Variants in THSD7A observed in about 807,000 individuals in gnomAD.
The protein encoded by THSD7A is thrombospondin type-1 domain-containing protein 7A.
In THSD7A, 96 loss-of-function variants were observed where a neutral mutation model predicts 231.3. That is an observed-to-expected ratio of 0.41 (90% CI 0.35 to 0.49). THSD7A has a LOEUF of 0.49. Among genes scored for constraint, THSD7A ranks in the 20% least tolerant of loss-of-function variants. The probability of loss-of-function intolerance (pLI) is 0.05; values close to 1 mark genes in which losing one functional copy is unlikely to be tolerated. For missense variants in THSD7A, 2,290 were observed against 2,070.2 expected, an observed-to-expected ratio of 1.11 and a Z score of -2.06; for synonymous variants, 940 against 743.3, an observed-to-expected ratio of 1.26 and a Z score of -4.30.
chr7:11,407,083 T>G (rs752200208), intron 20 of THSD7A, 28 bp from the exon 21 acceptor site: 1 of 1,611,530 alleles, frequency 6.2e-7, no homozygotes, highest in Non-Finnish European at 8.5e-7. Flanking sequence ...TGATGCACCT[T>G]TAATATATGT....
chr7:11,604,720 C>T (rs956665212), intron 2 of THSD7A, among the ~76,000 whole-genome samples: 2 of 152,018 alleles, frequency 1.3e-5, no homozygotes, highest in Non-Finnish European at 2.9e-5. Flanking sequence ...AAATGCAGAA[C>T]ACAGAATGAG....
At chr7:11,789,299 T>C (rs1336086943) in intron 1 of THSD7A, among the ~76,000 whole-genome samples, 1 of 152,038 alleles carries the variant, frequency 6.6e-6, no homozygotes, top group African/African-American at 2.4e-5. Flanking sequence ...GTAACTGTTA[T>C]GCTTTTATTA....
intron 1 of THSD7A, among the ~76,000 whole-genome samples, chr7:11,802,569 GGTTGA>G (rs1159966768): frequency 2.6e-5 from 4 of 152,154 alleles, no homozygotes; most frequent in Non-Finnish European, 4.4e-5. Flanking sequence ...GAGAGACAGA[GGTTGA>G]GTTAAGAGTG....
intron 6 of THSD7A, among the ~76,000 whole-genome samples, chr7:11,497,507 T>C (rs1017414434): frequency 1.3e-5 from 2 of 152,182 alleles, no homozygotes; most frequent in Non-Finnish European, 2.9e-5. Flanking sequence ...CAAAGCCAAT[T>C]ACCAATCCAA....
At chr7:11,677,494 T>C (rs1009862750) in intron 1 of THSD7A, among the ~76,000 whole-genome samples, 2 of 147,708 alleles carry the variant, frequency 1.4e-5, no homozygotes, top group African/African-American at 5.0e-5. Context: ...CCCATCAGTG[T>C]GCTGTATTCA....
At chr7:11,656,055 C>T (rs773059600) in intron 1 of THSD7A, among the ~76,000 whole-genome samples, 2 of 151,814 alleles carry the variant, frequency 1.3e-5, no homozygotes, top group Non-Finnish European at 2.9e-5. Flanking sequence ...TGAGGTGTCA[C>T]GTATTCAGTT....
intron 7 of THSD7A, among the ~76,000 whole-genome samples, chr7:11,476,183 C>G (rs997960082): frequency 2.0e-5 from 3 of 151,792 alleles, no homozygotes; most frequent in Non-Finnish European, 4.4e-5. Context: ...TGTTGCCTCC[C>G]TTTAGAATTT....
intron 22 of THSD7A, among the ~76,000 whole-genome samples, chr7:11,403,972 T>C (rs1783497713): frequency 6.6e-6 from 1 of 152,190 alleles, no homozygotes; most frequent in Admixed American, 6.5e-5. Context: ...AAACCCATCA[T>C]TAGAGAAAAC....
At chr7:11,476,648 C>G (rs1786197009) in intron 7 of THSD7A, among the ~76,000 whole-genome samples, 1 of 151,840 alleles carries the variant, frequency 6.6e-6, no homozygotes, top group Admixed American at 6.6e-5. Flanking sequence ...GAAACCTTGT[C>G]TCTACTAAAA....
chr7:11,624,785 T>C (rs1781427176), intron 2 of THSD7A, among the ~76,000 whole-genome samples: 1 of 152,144 alleles, frequency 6.6e-6, no homozygotes, highest in Non-Finnish European at 1.5e-5. Flanking sequence ...TTTTATTTAT[T>C]TGTTTTTCTC....
chr7:11,498,764 CT>C (rs1318934209), intron 6 of THSD7A, among the ~76,000 whole-genome samples: 2 of 152,112 alleles, frequency 1.3e-5, no homozygotes, highest in African/African-American at 4.8e-5. Flanking sequence ...GACAAAGCTC[CT>C]AGAGGGAGAG....
At chr7:11,476,668 T>A (rs1786197692) in intron 7 of THSD7A, among the ~76,000 whole-genome samples, 1 of 151,702 alleles carries the variant, frequency 6.6e-6, no homozygotes, top group Non-Finnish European at 1.5e-5. Context: ...ATACAAAAAA[T>A]TAGTCAGGCA....
chr7:11,602,350 A>T (rs73676042), intron 2 of THSD7A, among the ~76,000 whole-genome samples: 35 of 152,096 alleles, frequency 2.3e-4, no homozygotes, highest in Middle Eastern at 3.4e-3. Flanking sequence ...ATTTTTCAAT[A>T]CCCCAAACCT....
chr7:11,418,003 G>C (rs909776280), intron 16 of THSD7A, among the ~76,000 whole-genome samples: 1 of 152,162 alleles, frequency 6.6e-6, no homozygotes, highest in Non-Finnish European at 1.5e-5. Context: ...GGCATATAAT[G>C]CATTTATTCT....
intron 1 of THSD7A, among the ~76,000 whole-genome samples, chr7:11,750,937 A>G (rs546700147): frequency 6.6e-6 from 1 of 152,016 alleles, no homozygotes; most frequent in African/African-American, 2.4e-5. Context: ...AATTTCAGTT[A>G]AGGGGTAAGA....
chr7:11,452,021 G>A (rs1785162748), intron 11 of THSD7A, among the ~76,000 whole-genome samples: 1 of 152,028 alleles, frequency 6.6e-6, no homozygotes, highest in Non-Finnish European at 1.5e-5. Context: ...CAATGCCTTA[G>A]TGCAGTGAAA....
At chr7:11,412,887 G>T in intron 17 of THSD7A, 87 bp from the exon 18 acceptor site, 6 of 1,456,216 alleles carry the variant, frequency 4.1e-6, no homozygotes, top group Non-Finnish European at 5.6e-6. Flanking sequence ...GCAGGAGTTA[G>T]AACATTTGGG....
intron 4 of THSD7A, among the ~76,000 whole-genome samples, chr7:11,562,323 T>C (rs1209714854): frequency 6.6e-6 from 1 of 152,200 alleles, no homozygotes; most frequent in Non-Finnish European, 1.5e-5. Context: ...TCACACAGTC[T>C]ACTTCAGACT....
chr7:11,530,594 A>G lies in THSD7A; in HGVS notation c.1822+10825T>C, dbSNP rs561667798. ...ATGATTATATTCCAAATTCCATAAA[A>G]TGTACAATGGTGTAATGAAGGGAGG... On this transcript the variant is annotated intron_variant, in intron 6 of 27. Coordinates refer to ENST00000423059, the MANE Select transcript of THSD7A (RefSeq NM_015204.3). Among the ~76,000 whole-genome samples the G allele has an allele frequency of 3.3e-5, 5 of 152,306 alleles. No individual in the cohort carries two copies. In the South Asian group the frequency reaches 1.0e-3, roughly 32 times the overall value.
Sources: allele counts gnomAD v4.1 joint callset (sites outside exome capture counted in the v4.1 genomes callset), GRCh38; gene constraint gnomAD v4.1.1; transcripts MANE v1.5; gene names NCBI Gene and HGNC (gene_info 2026-07-23, HGNC 2026-07-21).